PABPN1: variants seen among roughly 807,000 people sequenced by gnomAD.
The protein encoded by PABPN1 is polyadenylate-binding protein 2.
Under a neutral mutation model 33.4 loss-of-function variants are expected in PABPN1, and 5 were observed. That is an observed-to-expected ratio of 0.15 (90% CI 0.08 to 0.32). The LOEUF is 0.32. Ranked by LOEUF, PABPN1 falls within the 10% of genes least tolerant of loss-of-function variation. PABPN1 has a pLI of 1.00. For missense variants in PABPN1, 312 were observed against 425.8 expected (o/e 0.73, Z 2.35); for synonymous variants, 176 against 170.6 (o/e 1.03, Z -0.25).
intron 1 of PABPN1, 107 bp downstream of exon 1, chr14:23,321,927 G>GGGGGGGGGGGGCA: frequency 2.2e-6 from 1 of 458,120 alleles, no homozygotes; most frequent in South Asian, 2.1e-5. Flanking sequence ...GTTGGGCGGG[G>GGGGGGGGGGGGCA]AATAACGTGG....
intron 2 of PABPN1, 23 bp from the exon 3 acceptor site, chr14:23,322,976 A>T (rs1217876363): frequency 1.2e-6 from 2 of 1,613,996 alleles, no homozygotes; most frequent in East Asian, 4.5e-5. Context: ...TGGTTTTTGT[A>T]AAAAATTATT....
intron 2 of PABPN1, 112 bp downstream of exon 2, chr14:23,322,407 C>A: frequency 1.1e-6 from 1 of 907,978 alleles, no homozygotes; most frequent in African/African-American, 1.6e-5. Flanking sequence ...CTTGTCTGAG[C>A]TATTATGACT....
In PABPN1 at chr14:23,322,874, C is replaced by A; in HGVS notation, c.467-125C>A. On this transcript the variant is annotated intron_variant, in intron 2 of 6. Coordinates refer to ENST00000216727, the MANE Select transcript of PABPN1 (RefSeq NM_004643.4). ...TCTCGGTTGTGGGTACAGCAGGGAA[C>A]AGCACAGACCAAAATCTTTGCCTTC... 37 of 1,273,588 alleles carry A rather than the reference C, an allele frequency of 2.9e-5. No individual in the cohort carries two copies. The South Asian group carries it at 4.3e-4, about 15-fold the overall frequency. 78.9% of individuals were successfully genotyped at this position (1,273,588 alleles called of 1,614,324 possible).
chr14:23,321,654 T>TGGAGCCCGAGCC lies in PABPN1; in HGVS notation c.198_209dup (p.Pro68_Glu71dup), dbSNP rs759559753. 7.9e-6 allele frequency: 12 copies of TGGAGCCCGAGCC among 1,513,758 alleles called. No individual in the cohort carries two copies. The East Asian group carries it at 9.9e-5, about 13-fold the overall frequency. 93.8% of individuals were successfully genotyped at this position (1,513,758 alleles called of 1,614,324 possible). A position where few individuals can be genotyped will look rare whatever the true frequency, so the allele number is the denominator to read the frequency against. On this transcript the variant is annotated inframe_insertion, in exon 1 of 7. Coordinates refer to ENST00000216727, the MANE Select transcript of PABPN1 (RefSeq NM_004643.4). ...GAACTGGAGCCTGAGGAGCTGCTGCTGGAGCCCGAGCCGGAGCCCGAGCCC... is the reference window on the plus strand; with the variant it reads ...GAACTGGAGCCTGAGGAGCTGCTGCTGGAGCCCGAGCCGGAGCCCGAGCCGGAGCCCGAGCCC...
rs373574548 is a variant in PABPN1, at chr14:23,323,497, A to C, written c.641+14A>C. ...CCATCCCAAAGGGTAAGTAAAGGGG[A>C]GTAAGTTGAGATAATTTAAATTACA... On this transcript the variant is annotated intron_variant, in intron 4 of 6. Transcript: ENST00000216727. 1.9e-5 allele frequency: 30 copies of C among 1,601,842 alleles called. No individual in the cohort carries two copies. The highest frequency in any genetic ancestry group is 3.3e-4 in the Middle Eastern group (2 of 6,066).
rs1888731920 is a variant in PABPN1, at chr14:23,325,983, TTTTG to T, written c.*701_*704del. 2.0e-5 allele frequency: 1 copy of T among 50,628 alleles called. No homozygotes were observed. Among genetic ancestry groups the T allele is most frequent in the Admixed American group, 2.6e-4 (1 of 3,914 alleles). The allele number at this position is 50,628 out of a possible 1,614,324, so 3.1% of individuals were successfully genotyped here. ...TAGGGGTGTTTTTGTTTTTCAGTTG[TTTTG>T]TTTTTTTGTTTTTTTTTTTTTTCCT... is the stretch of plus-strand genomic sequence containing the variant. On this transcript the variant is annotated 3_prime_UTR_variant, in exon 7 of 7. Coordinates refer to ENST00000216727, the MANE Select transcript of PABPN1 (RefSeq NM_004643.4).
Position 23,324,243 on chromosome 14 carries a change from C to T in PABPN1, c.835C>T (p.Arg279Ter), listed in dbSNP as rs201001377. 6.2e-7 allele frequency: 1 copy of T among 1,614,104 alleles called. No homozygotes were observed. The highest frequency in any genetic ancestry group is 2.2e-5 in the East Asian group (1 of 44,880). Reference sequence around the variant, plus strand: ...CACCAACTACAACAGCTCCCGCTCTCGATTCTACAGTGGTTTTAACAGCAG... The same window carrying T: ...CACCAACTACAACAGCTCCCGCTCTTGATTCTACAGTGGTTTTAACAGCAG... The part of the protein sequence containing the change: ...RTTNYNSSRS[R>*]FYSGFNSRPR... Residue 279 changes from arginine to a stop codon, truncating the protein, a stop_gained, in exon 6 of 7, where the codon CGA (arginine) becomes TGA (stop). Transcript: ENST00000216727. LOFTEE classifies it high-confidence loss of function.
Position 23,323,068 on chromosome 14 carries a change from T to C in PABPN1, c.534+2T>C, listed in dbSNP as rs768428878. On this transcript the variant is annotated splice_donor_variant, in intron 3 of 6. Coordinates refer to ENST00000216727, the MANE Select transcript of PABPN1 (RefSeq NM_004643.4). LOFTEE classifies it high-confidence loss of function. ...GCCCGTTCCATCTATGTTGGCAATG[T>C]ACGTACTGGGGCTCTGACTGGGGTT... 1 of 1,614,182 alleles carries C rather than the reference T, an allele frequency of 6.2e-7. No individual in the cohort carries two copies. The highest frequency in any genetic ancestry group is 8.5e-7 in the Non-Finnish European group (1 of 1,180,034).
chr14:23,322,030 A>T, intron 1 of PABPN1, 151 bp from the exon 2 acceptor site: 1 of 892,480 alleles, frequency 1.1e-6, no homozygotes, highest in Non-Finnish European at 1.8e-6. Flanking sequence ...GTGTTGTTCT[A>T]GAGAGGGTAG....
chr14:23,322,117 C>G, intron 1 of PABPN1, 64 bp from the exon 2 acceptor site: 1 of 1,510,576 alleles, frequency 6.6e-7, no homozygotes, highest in Non-Finnish European at 9.0e-7. Context: ...TGGCCGAGAG[C>G]AGGGCACAGC....
Position 23,321,724 on chromosome 14 carries a change from C to T in PABPN1, c.255C>T (p.Gly85=), listed in dbSNP as rs1477203132. The T allele has an allele frequency of 1.3e-6, 2 of 1,542,186 alleles. No individual in the cohort carries two copies. Among genetic ancestry groups the T allele is most frequent in the Admixed American group, 2.0e-5 (1 of 50,582 alleles). ...PRPRAPPGAP[G]PGPGSGAPGS... is the part of the protein sequence containing the mutation. The stretch of plus-strand genomic sequence containing the variant: ...CCCGCGCCCCCCCGGGAGCTCCGGG[C>T]CCTGGGCCTGGTTCGGGAGCCCCCG... Residue 85 remains glycine (G), a synonymous_variant, in exon 1 of 7, where the codon GGC becomes GGT. Transcript: ENST00000216727.
Position 23,323,000 on chromosome 14 carries a change from T to C in PABPN1, c.468T>C (p.Ala156=). The C allele has an allele frequency of 6.2e-7, 1 of 1,614,216 alleles. No individual in the cohort carries two copies. The highest frequency in any genetic ancestry group is 8.5e-7 in the Non-Finnish European group (1 of 1,180,038). The part of the protein sequence containing the change: ...QMNMSPPPGN[A]GPVIMSIEEK... Reference sequence around the variant, plus strand: ...TAAAAAATTATTTTTTCCTGATAGCTGGCCCGGTGATCATGTCCATTGAGG... The same window carrying C: ...TAAAAAATTATTTTTTCCTGATAGCCGGCCCGGTGATCATGTCCATTGAGG... The change falls in exon 3 of 7, where the codon GCT becomes GCC. Residue 156 remains alanine, a splice_region_variant and synonymous_variant. Transcript: ENST00000216727.
Position 23,324,045 on chromosome 14 carries a change from A to G in PABPN1, c.722A>G (p.Gln241Arg). Residue 241 changes from glutamine (Q) to arginine (R), a missense_variant, in exon 5 of 7, where the codon CAA (glutamine) becomes CGA (arginine). Gln to Arg is a conservative substitution (Grantham distance 43, BLOSUM62 1). Coordinates refer to ENST00000216727, the MANE Select transcript of PABPN1 (RefSeq NM_004643.4). The stretch of plus-strand genomic sequence containing the variant: ...GATGAGTCCCTATTTAGAGGAAGGC[A>G]AATCAAGGTAAGCCTATGTCCATTG... ...ALDESLFRGR[Q>R]IKVIPKRTNR... is the part of the protein sequence containing the mutation. 1 of 1,614,198 alleles carries G rather than the reference A, an allele frequency of 6.2e-7. No individual in the cohort carries two copies. Among genetic ancestry groups the G allele is most frequent in the Non-Finnish European group, 8.5e-7 (1 of 1,180,030 alleles).
At chr14:23,324,349 C>T (rs1236967260) in intron 6 of PABPN1, 60 bp downstream of exon 6, 1 of 1,601,154 alleles carries the variant, frequency 6.2e-7, no homozygotes, top group Non-Finnish European at 8.5e-7. Context: ...TATGCTTCCT[C>T]CTCTCTGGTC....
chr14:23,322,049 T>C (rs904418191), intron 1 of PABPN1, 132 bp from the exon 2 acceptor site: 1 of 1,018,776 alleles, frequency 9.8e-7, no homozygotes, highest in East Asian at 2.6e-5. Flanking sequence ...AGCTTTTCTT[T>C]TATCACGACC....
intron 6 of PABPN1, chr14:23,324,985 T>A: frequency 2.2e-6 from 1 of 449,220 alleles, no homozygotes; most frequent in East Asian, 3.4e-5. Context: ...AAAAAGGGGG[T>A]CCTTTTCCTT....
intron 6 of PABPN1, 94 bp downstream of exon 6, chr14:23,324,383 C>T (rs1241669637): frequency 5.3e-6 from 7 of 1,314,264 alleles, no homozygotes; most frequent in Non-Finnish European, 7.1e-6. Flanking sequence ...TCCCCCCACC[C>T]CTCCCCGTGG....
In PABPN1 at chr14:23,325,315, G is replaced by GA. The variant is rs1888665884; in HGVS notation, c.*36dup. The stretch of plus-strand genomic sequence containing the variant: ...AAGTGTGTATTAGGAGGAGAGAGAG[G>GA]AAAAAAAGAGGAAAGAAGGAAAAAA... On this transcript the variant is annotated 3_prime_UTR_variant, in exon 7 of 7. Transcript: ENST00000216727. 1.4e-6 allele frequency: 2 copies of GA among 1,458,646 alleles called. No individual in the cohort carries two copies. The highest frequency in any genetic ancestry group is 1.3e-5 in the South Asian group (1 of 75,158). The allele number at this position is 1,458,646 out of a possible 1,614,324, so 90.4% of individuals were successfully genotyped here. A position where few individuals can be genotyped will look rare whatever the true frequency, so the allele number is the denominator to read the frequency against.
At position 23,325,347 on chromosome 14, in the gene PABPN1, A is replaced by AG; in HGVS notation, c.*61_*62insG. On this transcript the variant is annotated 3_prime_UTR_variant, in exon 7 of 7. Coordinates refer to ENST00000216727, the MANE Select transcript of PABPN1 (RefSeq NM_004643.4). ...AGAGGAAAGAAGGAAAAAAAAAAGA[A>AG]TTAAAAAAAAAAAAAAGAAAAACAG... 6.6e-7 allele frequency: 1 copy of AG among 1,506,040 alleles called. No individual in the cohort carries two copies. Among genetic ancestry groups the AG allele is most frequent in the Non-Finnish European group, 8.9e-7 (1 of 1,120,596 alleles). 93.3% of individuals were successfully genotyped at this position (1,506,040 alleles called of 1,614,324 possible).
Sources: gnomAD v4.1 joint callset for allele counts on GRCh38, gnomAD v4.1.1 for gene constraint, MANE v1.5 for transcripts, NCBI Gene and HGNC (gene_info 2026-07-23, HGNC 2026-07-21) for gene names.